The following SDR42E2 variants were observed in gnomAD, a reference collection of about 807,000 sequenced individuals.
SDR42E2 encodes the protein short chain dehydrogenase/reductase family 42E, member 2.
SDR42E2 carries 20 observed loss-of-function variants against 10.5 expected under a neutral mutation model. The ratio of observed to expected loss-of-function variants is 1.90; its 90% CI spans 1.34 to 2.77. SDR42E2 has a LOEUF of 2.77. Ranked by LOEUF, SDR42E2 falls within the 30% of genes most tolerant of loss-of-function variation. SDR42E2 has a pLI of 0.00. For missense variants in SDR42E2, 162 were observed against 104.2 expected, an observed-to-expected ratio of 1.55 and a Z score of -2.42; for synonymous variants, 72 against 39.2, an observed-to-expected ratio of 1.84 and a Z score of -3.12.
intron 7 of SDR42E2, among the ~76,000 whole-genome samples, chr16:22,174,332 CAATAAT>C (rs1268020175): frequency 6.6e-6 from 1 of 151,708 alleles, no homozygotes; most frequent in Admixed American, 6.6e-5. Flanking sequence ...GACTCCATCT[CAATAAT>C]AATAATAATA....
chr16:22,162,992 G>A (rs1375970233), intron 1 of SDR42E2, among the ~76,000 whole-genome samples: 2 of 152,130 alleles, frequency 1.3e-5, no homozygotes, highest in Admixed American at 1.3e-4. Flanking sequence ...CGCCTGCTTT[G>A]CGCCAGGCAC....
rs1411719249 is a variant in SDR42E2, at chr16:22,166,408, C to T, written c.214C>T (p.Leu72=). 1 of 402,396 alleles carries T rather than the reference C, an allele frequency of 2.5e-6. No individual in the cohort carries two copies. The highest frequency in any genetic ancestry group is 4.4e-6 in the Non-Finnish European group (1 of 227,192). 24.9% of individuals were successfully genotyped at this position (402,396 alleles called of 1,614,324 possible). ...TGACCGCCGCAGACCCCAGTGGGAA[C>T]TGTCCCCGGAAACCAAGTTCATCCA... ...LLDRRRPQWE[L]SPETKFIQAD... is the part of the protein sequence containing the mutation. The change falls in exon 3 of 13, where the codon CTG becomes TTG. Residue 72 remains leucine, a synonymous_variant. Transcript: ENST00000602312.
chr16:22,183,763 T>A (rs991220666), intron 10 of SDR42E2, among the ~76,000 whole-genome samples: 5 of 152,084 alleles, frequency 3.3e-5, no homozygotes, highest in African/African-American at 1.2e-4. Context: ...TATAGACAGA[T>A]GTAGGTGATA....
chr16:22,183,882 G>A (rs1486741584), intron 10 of SDR42E2, among the ~76,000 whole-genome samples: 1 of 149,934 alleles, frequency 6.7e-6, no homozygotes, highest in Non-Finnish European at 1.5e-5. Context: ...ATCACATGAG[G>A]CCAGGAGTTC....
At chr16:22,177,669 A>G (rs1187768291) in intron 7 of SDR42E2, among the ~76,000 whole-genome samples, 1 of 152,084 alleles carries the variant, frequency 6.6e-6, no homozygotes, top group Non-Finnish European at 1.5e-5. Context: ...AAGGAAAAGG[A>G]AAAGGAAAAA....
At position 22,186,703 on chromosome 16, in the gene SDR42E2, C is replaced by T. The variant is rs2046738857; in HGVS notation, c.941-18C>T. On this transcript the variant is annotated intron_variant, in intron 11 of 12. Coordinates refer to ENST00000602312, the MANE Select transcript of SDR42E2 (RefSeq NM_001394319.2). ...ATAATGTGAGGCCCCTGGTCACTGG[C>T]CCCCTCCTTCCCTGCAGCAGCAGTT... 1 of 401,084 alleles carries T rather than the reference C, an allele frequency of 2.5e-6. No individual in the cohort carries two copies. The highest frequency in any genetic ancestry group is 2.1e-5 in the African/African-American group (1 of 48,670). 24.8% of individuals were successfully genotyped at this position (401,084 alleles called of 1,614,324 possible). A position where few individuals can be genotyped will look rare whatever the true frequency, so the allele number is the denominator to read the frequency against.
At chr16:22,174,859 T>C (rs960406021) in intron 7 of SDR42E2, among the ~76,000 whole-genome samples, 4 of 152,130 alleles carry the variant, frequency 2.6e-5, no homozygotes, top group African/African-American at 9.7e-5. Flanking sequence ...CCCCCCACTA[T>C]GCCCAGGTGA....
chr16:22,175,224 C>T (rs2046634630), intron 7 of SDR42E2, among the ~76,000 whole-genome samples: 1 of 152,044 alleles, frequency 6.6e-6, no homozygotes, highest in Admixed American at 6.6e-5. Context: ...CTTTGTGAGG[C>T]CAAGACGGGA....
intron 8 of SDR42E2, among the ~76,000 whole-genome samples, chr16:22,179,291 C>CA (rs2046672669): frequency 6.6e-6 from 1 of 152,048 alleles, no homozygotes; most frequent in African/African-American, 2.4e-5. Flanking sequence ...ACCCAGCAAT[C>CA]ATTTTTTTTC....
intron 1 of SDR42E2, among the ~76,000 whole-genome samples, chr16:22,164,522 G>GT (rs2142055727): frequency 6.6e-6 from 1 of 152,312 alleles, no homozygotes; most frequent in South Asian, 2.1e-4. Flanking sequence ...TTGTGCCACT[G>GT]CACTCCAGCC....
At chr16:22,164,762 C>T (rs1181408598) in intron 1 of SDR42E2, among the ~76,000 whole-genome samples, 1 of 152,120 alleles carries the variant, frequency 6.6e-6, no homozygotes, top group African/African-American at 2.4e-5. Flanking sequence ...GTGCAGAGTC[C>T]TTTTGGATCC....
At chr16:22,184,965 C>A (rs2046726041) in intron 11 of SDR42E2, among the ~76,000 whole-genome samples, 1 of 152,082 alleles carries the variant, frequency 6.6e-6, no homozygotes, top group African/African-American at 2.4e-5. Flanking sequence ...AGGTCTCATG[C>A]CAGTCAGGAG....
chr16:22,164,340 C>G (rs2046519039), intron 1 of SDR42E2, among the ~76,000 whole-genome samples: 1 of 152,114 alleles, frequency 6.6e-6, no homozygotes. Flanking sequence ...GGGAGGATCA[C>G]TTGAGGTCAG....
intron 8 of SDR42E2, among the ~76,000 whole-genome samples, chr16:22,180,350 TG>T (rs2046682302): frequency 6.6e-6 from 1 of 151,748 alleles, no homozygotes; most frequent in African/African-American, 2.4e-5. Flanking sequence ...CAGTGAGCTA[TG>T]ATTGCACCAC....
intron 7 of SDR42E2, among the ~76,000 whole-genome samples, chr16:22,174,158 C>T (rs2046624900): frequency 6.6e-6 from 1 of 151,544 alleles, no homozygotes; most frequent in Non-Finnish European, 1.5e-5. Context: ...TGGTGAAACC[C>T]CGTCTCTACT....
At position 22,172,265 on chromosome 16, in the gene SDR42E2, C is replaced by T. The variant is rs2046607649; in HGVS notation, c.523C>T (p.His175Tyr). 1.4e-6 allele frequency: 1 copy of T among 702,982 alleles called. No individual in the cohort carries two copies. The highest frequency in any genetic ancestry group is 1.7e-5 in the African/African-American group (1 of 57,248). 43.5% of individuals were successfully genotyped at this position (702,982 alleles called of 1,614,324 possible). ...TCCTGGCCTCTGGCAGCACGTAGAC[C>T]ACTACTCCCGAACCAAAGCCATCGC... is the stretch of plus-strand genomic sequence containing the variant. ...PYFPLDEHVD[H>Y]YSRTKAIADQ... is the part of the protein sequence containing the mutation. Residue 175 changes from histidine to tyrosine, a missense_variant, in exon 7 of 13, where the codon CAC (histidine) becomes TAC (tyrosine). Coordinates refer to ENST00000602312, the MANE Select transcript of SDR42E2 (RefSeq NM_001394319.2).
chr16:22,166,808 CA>C (rs2046544238), intron 3 of SDR42E2, 95 bp from the exon 4 acceptor site: 1 of 467,406 alleles, frequency 2.1e-6, no homozygotes, highest in Non-Finnish European at 3.9e-6. Flanking sequence ...TGGGCTGGGT[CA>C]GGGGGCCAGT....
rs921349924 is a variant in SDR42E2 at position 22,163,947 on chromosome 16, C to T, written c.-37+1383C>T. Among the ~76,000 whole-genome samples the T allele has an allele frequency of 7.9e-5, 12 of 152,158 alleles. No homozygotes were observed. In the East Asian group the frequency reaches 9.7e-4, roughly 12 times the overall value. ...ATATGCCATGCAGGGCAGAGATGCA[C>T]CTATCTGTATATGTAGGGCCTGGCG... is the stretch of plus-strand genomic sequence containing the variant. On this transcript the variant is annotated intron_variant, in intron 1 of 12. Coordinates refer to ENST00000602312, the MANE Select transcript of SDR42E2 (RefSeq NM_001394319.2).
rs559581260 is a variant in SDR42E2, at chr16:22,190,138, G to C, written c.1015-1G>C. ...CTCGGATGCCCCGCCTGTCCCCGCA[G>C]GTGCGCAGCGTGGCCGTGACGCACA... On this transcript the variant is annotated splice_acceptor_variant, in intron 12 of 12. Coordinates refer to ENST00000602312, the MANE Select transcript of SDR42E2 (RefSeq NM_001394319.2). LOFTEE classifies it high-confidence loss of function. 7 of 401,072 alleles carry C rather than the reference G, an allele frequency of 1.7e-5. No individual in the cohort carries two copies. The highest frequency in any genetic ancestry group is 8.2e-5 in the African/African-American group (4 of 48,812). 24.8% of individuals were successfully genotyped at this position (401,072 alleles called of 1,614,324 possible).
Sources: allele counts gnomAD v4.1 joint callset (sites outside exome capture counted in the v4.1 genomes callset), GRCh38; gene constraint gnomAD v4.1.1; transcripts MANE v1.5; gene names NCBI Gene and HGNC (gene_info 2026-07-23, HGNC 2026-07-21).